Variants in DIXDC1 observed in about 807,000 individuals in gnomAD.
The protein encoded by DIXDC1 is dixin.
DIXDC1 carries 64 observed loss-of-function variants against 103.1 expected under a neutral mutation model. The observed-to-expected ratio is 0.62, with a 90% confidence interval of 0.51 to 0.76. The LOEUF is 0.76. Ranked by LOEUF, DIXDC1 falls within the 30% of genes least tolerant of loss-of-function variation. The pLI is 0.00. For synonymous variants in DIXDC1, 266 were observed against 298.5 expected (o/e 0.89, Z 1.12); for missense variants, 759 against 834.2 (o/e 0.91, Z 1.11).
At chr11:111,968,797 G>A (rs1047064039) in intron 3 of DIXDC1, among the ~76,000 whole-genome samples, 159 bp downstream of exon 3, 5 of 151,282 alleles carry the variant, frequency 3.3e-5, no homozygotes, top group East Asian at 1.9e-4. Context: ...TTTTTGCGAC[G>A]GAGTTTCACT....
intron 3 of DIXDC1, among the ~76,000 whole-genome samples, chr11:111,970,035 T>A (rs1859862943): frequency 6.6e-6 from 1 of 152,120 alleles, no homozygotes. Context: ...GGATATAAAA[T>A]CAGTGTGCAA....
intron 5 of DIXDC1, among the ~76,000 whole-genome samples, chr11:111,978,338 A>T (rs587773893): frequency 6.6e-6 from 1 of 152,302 alleles, no homozygotes; most frequent in African/African-American, 2.4e-5. Context: ...GGGGCAGAGG[A>T]TATAATGCAT....
At chr11:111,989,315 C>T (rs1331140020) in intron 10 of DIXDC1, among the ~76,000 whole-genome samples, 3 of 152,060 alleles carry the variant, frequency 2.0e-5, no homozygotes, top group African/African-American at 7.2e-5. Context: ...TAAAAGAATC[C>T]TCTTCAGTGT....
intron 1 of DIXDC1, among the ~76,000 whole-genome samples, chr11:111,949,354 C>T (rs1416491877): frequency 1.3e-5 from 2 of 152,214 alleles, no homozygotes; most frequent in Non-Finnish European, 2.9e-5. Flanking sequence ...GCTTGTTCTT[C>T]ATGTCTTCTC....
Position 111,993,563 on chromosome 11 carries a change from A to G in DIXDC1, c.1340A>G (p.Lys447Arg), listed in dbSNP as rs781990687. Residue 447 changes from lysine (K) to arginine (R), a missense_variant, in exon 13 of 20, where the codon AAA becomes AGA. Around this residue, in one of 3 missense-constraint regions of DIXDC1, gnomAD observed 657 missense variants for 727.5 expected, o/e 0.90. Transcript: ENST00000440460. ...HQAKLEEALR[K>R]LSDVSYHQVD... ...GCCAAGTTAGAAGAAGCACTCCGGA[A>G]ACTCTCTGATGTCAGTTACCACCAG... 7 of 1,613,982 alleles carry G rather than the reference A, an allele frequency of 4.3e-6. No individual in the cohort carries two copies. In the East Asian group the frequency reaches 1.6e-4, roughly 36 times the overall value.
At chr11:111,939,533 TAG>T (rs1966347778) in intron 1 of DIXDC1, among the ~76,000 whole-genome samples, 1 of 152,204 alleles carries the variant, frequency 6.6e-6, no homozygotes, top group Non-Finnish European at 1.5e-5. Context: ...CTCCACAAGC[TAG>T]TGTACGTCTG....
chr11:111,999,315 A>G (rs1860994031), intron 17 of DIXDC1, among the ~76,000 whole-genome samples: 1 of 152,230 alleles, frequency 6.6e-6, no homozygotes, highest in Non-Finnish European at 1.5e-5. Flanking sequence ...TCAAATTGAG[A>G]GTTCAGATAA....
intron 2 of DIXDC1, among the ~76,000 whole-genome samples, chr11:111,930,372 C>T (rs1243584842): frequency 1.3e-5 from 2 of 151,912 alleles, no homozygotes; most frequent in African/African-American, 2.4e-5. Flanking sequence ...CTCTGCCTCC[C>T]GGGTTCAAGC....
At chr11:111,957,900 G>T (rs1859440828) in intron 1 of DIXDC1, among the ~76,000 whole-genome samples, 1 of 152,270 alleles carries the variant, frequency 6.6e-6, no homozygotes, top group South Asian at 2.1e-4. Flanking sequence ...TTGCCATGAT[G>T]CCGGCTGCAG....
chr11:111,936,678 CTCTT>C (rs1374984420), upstream of DIXDC1, among the ~76,000 whole-genome samples: 3 of 152,108 alleles, frequency 2.0e-5, no homozygotes, highest in Non-Finnish European at 4.4e-5. Flanking sequence ...TCTGCTCTTT[CTCTT>C]TCTTATTTCT....
chr11:111,944,827 G>C (rs1966540035), intron 1 of DIXDC1, among the ~76,000 whole-genome samples: 1 of 152,156 alleles, frequency 6.6e-6, no homozygotes, highest in Non-Finnish European at 1.5e-5. Context: ...CTGACTCAGA[G>C]GGTGGTTACC....
At chr11:112,014,986 G>T (rs1161471700) in intron 17 of DIXDC1, among the ~76,000 whole-genome samples, 1 of 151,816 alleles carries the variant, frequency 6.6e-6, no homozygotes, top group African/African-American at 2.4e-5. Context: ...CCAGGTTCAA[G>T]CGATTCTCCT....
At chr11:111,928,031 A>C (rs1385626079) in intron 1 of DIXDC1, among the ~76,000 whole-genome samples, 2 of 151,812 alleles carry the variant, frequency 1.3e-5, no homozygotes, top group Admixed American at 1.3e-4. Context: ...AAAAAAAAAA[A>C]AAAAAAATAG....
At chr11:111,942,328 T>A (rs1400881294) in intron 1 of DIXDC1, among the ~76,000 whole-genome samples, 1 of 152,152 alleles carries the variant, frequency 6.6e-6, no homozygotes, top group Non-Finnish European at 1.5e-5. Context: ...GTTCAGAGGA[T>A]CTAGGGAACA....
intron 5 of DIXDC1, 80 bp downstream of exon 5, chr11:111,975,063 GGCACCTAA>G: frequency 1.3e-6 from 2 of 1,545,800 alleles, no homozygotes; most frequent in Non-Finnish European, 1.7e-6. Context: ...CAAGCAAAAA[GGCACCTAA>G]GCCCTTTTTC....
At chr11:111,942,248 G>A (rs1420519905) in intron 1 of DIXDC1, among the ~76,000 whole-genome samples, 1 of 152,184 alleles carries the variant, frequency 6.6e-6, no homozygotes, top group Non-Finnish European at 1.5e-5. Context: ...TCCTCGTGGT[G>A]AGTGATGAGT....
At chr11:111,995,272 T>C (rs1860856516) in intron 15 of DIXDC1, 131 bp from the exon 16 acceptor site, 4 of 1,368,576 alleles carry the variant, frequency 2.9e-6, no homozygotes, top group Non-Finnish European at 4.0e-6. Flanking sequence ...AATTAAGAAT[T>C]AGTGGGCAAA....
At chr11:111,974,344 C>A in intron 4 of DIXDC1, 90 bp downstream of exon 4, 1 of 1,245,430 alleles carries the variant, frequency 8.0e-7, no homozygotes, top group Non-Finnish European at 1.1e-6. Context: ...GAAACGTCAC[C>A]CAAACAGCCC....
At chr11:111,955,557 C>T (rs140425675) in intron 1 of DIXDC1, among the ~76,000 whole-genome samples, 5 of 151,686 alleles carry the variant, frequency 3.3e-5, no homozygotes, top group African/African-American at 7.2e-5. Flanking sequence ...GATCTTGGCC[C>T]GGTGCGGTGG....
Sources: gnomAD v4.1 joint callset for allele counts (sites outside exome capture counted in the v4.1 genomes callset) on GRCh38, gnomAD v4.1.1 for gene constraint, gnomAD v4.1.1 regional missense constraint, MANE v1.5 for transcripts, NCBI Gene and HGNC (gene_info 2026-07-23, HGNC 2026-07-21) for gene names.